RIPOR3: variants seen among roughly 807,000 people sequenced by gnomAD.
RIPOR3 encodes the protein family with sequence similarity 65 member C.
A neutral mutation model predicts 114.3 loss-of-function variants in RIPOR3; 95 were observed. That is an observed-to-expected ratio of 0.83 (90% CI 0.70 to 0.99). The LOEUF (loss-of-function observed/expected upper bound fraction) is 0.99, where lower values mean the gene tolerates loss of function less well. Among genes scored for constraint, RIPOR3 ranks in the 50% least tolerant of loss-of-function variants. The pLI is 0.00. For synonymous variants in RIPOR3, 575 were observed against 543.8 expected (o/e 1.06, Z -0.80); for missense variants, 1,252 against 1,266.9 (o/e 0.99, Z 0.18).
At chr20:50,624,789 G>A (rs2084556617) in intron 2 of RIPOR3, among the ~76,000 whole-genome samples, 1 of 152,140 alleles carries the variant, frequency 6.6e-6, no homozygotes. Flanking sequence ...GGTTGCTACA[G>A]CAGTCCTTCT....
intron 1 of RIPOR3, among the ~76,000 whole-genome samples, chr20:50,687,697 T>C (rs1015284361): frequency 1.3e-5 from 2 of 151,990 alleles, no homozygotes; most frequent in African/African-American, 4.8e-5. Flanking sequence ...AGGTTAGGAG[T>C]TCGAGACCAG....
At chr20:50,690,012 G>A (rs543579016) in intron 1 of RIPOR3, among the ~76,000 whole-genome samples, 6 of 152,202 alleles carry the variant, frequency 3.9e-5, no homozygotes, top group African/African-American at 9.6e-5. Flanking sequence ...CTCCCTTTCC[G>A]TGCCAGGGAG....
chr20:50,602,252 T>G lies in RIPOR3; in HGVS notation c.1479A>C (p.Thr493=), dbSNP rs754179429. ...LPQGSLFHSG[T]ASSSQNGHEE... is the part of the protein sequence containing the mutation. ...CGTGGCCGTTCTGGCTACTCGAGGC[T>G]GTGCCGCTGTGGAACAGGGAGCCCT... Residue 493 remains threonine, a synonymous_variant, in exon 13 of 22, where the codon ACA becomes ACC. Transcript: ENST00000327979. This position sits in a 1 kb window ranked among gnomAD's most constrained non-coding sequence, Gnocchi z 4.3. The G allele has an allele frequency of 1.5e-5, 24 of 1,613,852 alleles. No homozygotes were observed. In the Admixed American group the frequency reaches 2.2e-4, roughly 15 times the overall value.
chr20:50,596,372 A>T, intron 14 of RIPOR3, 109 bp from the exon 15 acceptor site: 2 of 1,475,690 alleles, frequency 1.4e-6, no homozygotes, highest in Non-Finnish European at 1.9e-6. Context: ...GGCCCACTCC[A>T]GGTCCCAGGA....
intron 1 of RIPOR3, among the ~76,000 whole-genome samples, chr20:50,673,148 G>A (rs1314595944): frequency 1.3e-5 from 2 of 152,190 alleles, no homozygotes; most frequent in African/African-American, 4.8e-5. Context: ...AGACAGCAGG[G>A]CTGCTTCTGT....
At chr20:50,634,603 T>C (rs184379838) in intron 1 of RIPOR3, among the ~76,000 whole-genome samples, 22 of 152,192 alleles carry the variant, frequency 1.4e-4, no homozygotes, top group African/African-American at 5.3e-4. Flanking sequence ...GAAGGAAAGG[T>C]TGACGCTGCT....
rs530985405 is a variant in RIPOR3, at chr20:50,686,352, G to A, written c.3+4774C>T. On this transcript the variant is annotated intron_variant, in intron 1 of 21. Transcript: ENST00000327979. ...ATTACAGGTGTGAGCCACTGCGCCC[G>A]GCCAAGACAACGGGCTCTTAACAGG... Among the ~76,000 whole-genome samples the A allele has an allele frequency of 8.5e-5, 13 of 152,112 alleles. 1 individual carries two copies. The highest frequency in any genetic ancestry group is 7.2e-4 in the Admixed American group (11 of 15,260).
At position 50,632,853 on chromosome 20, in the gene RIPOR3, G is replaced by A. The variant is rs552506628; in HGVS notation, c.4-1997C>T. Among the ~76,000 whole-genome samples, 4 of 152,342 alleles carry A rather than the reference G, an allele frequency of 2.6e-5. No homozygotes were observed. The South Asian group carries it at 8.3e-4, about 32-fold the overall frequency. On this transcript the variant is annotated intron_variant, in intron 1 of 21. Coordinates refer to ENST00000327979, the MANE Select transcript of RIPOR3 (RefSeq NM_001290268.2). ...TAGAACCCGAGGATGCCCGATGTCA[G>A]AGCTTGTCTTACCTGCGGTCAGGAG... is the stretch of plus-strand genomic sequence containing the variant.
At chr20:50,682,927 A>T (rs531188442) in intron 1 of RIPOR3, among the ~76,000 whole-genome samples, 8 of 152,024 alleles carry the variant, frequency 5.3e-5, no homozygotes, top group African/African-American at 1.4e-4. Context: ...GGGTTTCTCC[A>T]TGTTGGTCAG....
chr20:50,656,247 G>A (rs184859412), intron 1 of RIPOR3, among the ~76,000 whole-genome samples: 7 of 151,754 alleles, frequency 4.6e-5, no homozygotes, highest in African/African-American at 1.7e-4. Flanking sequence ...ACTCTTTGGA[G>A]TCGAGGGGCC....
intron 1 of RIPOR3, among the ~76,000 whole-genome samples, chr20:50,677,227 A>G (rs1057025470): frequency 2.0e-5 from 3 of 152,128 alleles, no homozygotes; most frequent in Non-Finnish European, 4.4e-5. Context: ...AGACATTCCC[A>G]TAGATAGGTC....
intron 1 of RIPOR3, among the ~76,000 whole-genome samples, chr20:50,662,850 T>C (rs2086042876): frequency 6.6e-6 from 1 of 152,100 alleles, no homozygotes; most frequent in Non-Finnish European, 1.5e-5. Flanking sequence ...ATCCCAACAC[T>C]TGGGGAGGCC....
At chr20:50,664,528 G>A (rs1437484965) in intron 1 of RIPOR3, among the ~76,000 whole-genome samples, 3 of 152,170 alleles carry the variant, frequency 2.0e-5, no homozygotes, top group African/African-American at 7.2e-5. Context: ...GCTCACATCA[G>A]GCAGGATCCC....
intron 1 of RIPOR3, among the ~76,000 whole-genome samples, chr20:50,662,704 G>A (rs973969842): frequency 5.7e-5 from 7 of 122,806 alleles, no homozygotes; most frequent in African/African-American, 2.2e-4. Context: ...GAGGATCCCA[G>A]TCCTGGCCCC....
Position 50,592,289 on chromosome 20 carries a change from T to C in RIPOR3, c.2577+55A>G. ...GTACTTTTCCATGAGAACACCAGCT[T>C]ACCTATGCCCACACATCTGTGGCCA... On this transcript the variant is annotated intron_variant, in intron 19 of 21. Transcript: ENST00000327979. 8 of 1,470,088 alleles carry C rather than the reference T, an allele frequency of 5.4e-6. No individual in the cohort carries two copies. In the African/African-American group the frequency reaches 1.1e-4, roughly 21 times the overall value. 91.1% of individuals were successfully genotyped at this position (1,470,088 alleles called of 1,614,324 possible).
Position 50,691,216 on chromosome 20 carries a change from C to T in RIPOR3, c.-88G>A, listed in dbSNP as rs537055387. ...TATTGCCGCCAGCAAGCGTCTGCTC[C>T]CATCTGGCCCGGGACTCCCGGACTC... On this transcript the variant is annotated 5_prime_UTR_variant, in exon 1 of 22. Transcript: ENST00000327979. 2 of 1,287,674 alleles carry T rather than the reference C, an allele frequency of 1.6e-6. No homozygotes were observed. Among genetic ancestry groups the T allele is most frequent in the South Asian group, 2.5e-5 (2 of 80,954 alleles). 79.8% of individuals were successfully genotyped at this position (1,287,674 alleles called of 1,614,324 possible).
chr20:50,589,491 T>C (rs1274321772), intron 20 of RIPOR3, among the ~76,000 whole-genome samples, 195 bp downstream of exon 20: 1 of 152,168 alleles, frequency 6.6e-6, no homozygotes, highest in Admixed American at 6.5e-5. Context: ...AGATGGAGTT[T>C]CGCCATGTTG....
chr20:50,610,174 A>AAC (rs2083921602), intron 6 of RIPOR3, among the ~76,000 whole-genome samples: 2 of 116,244 alleles, frequency 1.7e-5, no homozygotes, highest in Non-Finnish European at 1.8e-5. Flanking sequence ...ACCCTGTCTC[A>AAC]CCTGCCTCTC....
rs570977095 is a variant in RIPOR3 at position 50,602,755 on chromosome 20, A to T, written c.1087-111T>A. ...CGCTGTGCATGCCCATGTTCTCAGG[A>T]TGACTGAGGCCTGCCGAGGTGACCA... On this transcript the variant is annotated intron_variant, in intron 12 of 21. Transcript: ENST00000327979. This position sits in a 1 kb window ranked among gnomAD's most constrained non-coding sequence, Gnocchi z 4.3. The T allele has an allele frequency of 1.3e-6, 1 of 796,320 alleles. No homozygotes were observed. Among genetic ancestry groups the T allele is most frequent in the East Asian group, 3.2e-5 (1 of 31,650 alleles). The allele number at this position is 796,320 out of a possible 1,614,324, so 49.3% of individuals were successfully genotyped here.
Sources: allele counts gnomAD v4.1 joint callset (sites outside exome capture counted in the v4.1 genomes callset), GRCh38; gene constraint gnomAD v4.1.1; non-coding constraint Gnocchi (gnomAD v3.1); transcripts MANE v1.5; gene names NCBI Gene and HGNC (gene_info 2026-07-23, HGNC 2026-07-21).